The following DLGAP2 variants were observed in gnomAD, a reference collection of about 807,000 sequenced individuals.
DLGAP2 encodes disks large-associated protein 2.
DLGAP2 carries 26 observed loss-of-function variants against 100.3 expected under a neutral mutation model. The observed-to-expected ratio is 0.26, with a 90% confidence interval of 0.19 to 0.36. The LOEUF is 0.36. Among genes scored for constraint, DLGAP2 ranks in the 10% least tolerant of loss-of-function variants. The probability of loss-of-function intolerance (pLI) is 1.00; values close to 1 mark genes in which losing one functional copy is unlikely to be tolerated. For missense variants in DLGAP2, 1,858 were observed against 1,453.2 expected, an observed-to-expected ratio of 1.28 and a Z score of -4.53; for synonymous variants, 886 against 630.1, an observed-to-expected ratio of 1.41 and a Z score of -6.08.
intron 3 of DLGAP2, among the ~76,000 whole-genome samples, chr8:1,312,503 A>G (rs1278704039): frequency 6.6e-6 from 1 of 152,198 alleles, no homozygotes; most frequent in Admixed American, 6.5e-5. Context: ...ACACATGGAG[A>G]CAAGAACAGA....
intron 1 of DLGAP2, among the ~76,000 whole-genome samples, chr8:840,398 G>A (rs1375350163): frequency 7.7e-6 from 1 of 130,370 alleles, no homozygotes; most frequent in Non-Finnish European, 1.6e-5. Context: ...TGGATTCTGC[G>A]AGCGCGTCCA....
chr8:1,218,104 C>T (rs188930594), intron 2 of DLGAP2, among the ~76,000 whole-genome samples: 190 of 152,256 alleles, frequency 1.2e-3, no homozygotes, highest in Non-Finnish European at 2.2e-3. Flanking sequence ...AATTAGGTCC[C>T]ACTTGTCAAT....
chr8:1,418,604 G>GA (rs1797002933), intron 3 of DLGAP2, among the ~76,000 whole-genome samples: 1 of 152,106 alleles, frequency 6.6e-6, no homozygotes, highest in African/African-American at 2.4e-5. Flanking sequence ...AAATAAAAGG[G>GA]AAAAAAGTGT....
chr8:1,447,119 C>G lies in DLGAP2; in HGVS notation c.107-54247C>G, dbSNP rs542700912. Reference sequence around the variant, plus strand: ...TGCCTAATTGCCCTGGCCAGAACTTCCAGCACTAGGTTGAATAGGAGTGGT... The same window carrying G: ...TGCCTAATTGCCCTGGCCAGAACTTGCAGCACTAGGTTGAATAGGAGTGGT... On this transcript the variant is annotated intron_variant, in intron 3 of 14. Transcript: ENST00000637795. Among the ~76,000 whole-genome samples, 3 of 152,338 alleles carry G rather than the reference C, an allele frequency of 2.0e-5. No individual in the cohort carries two copies. In the South Asian group the frequency reaches 6.2e-4, roughly 32 times the overall value.
intron 3 of DLGAP2, among the ~76,000 whole-genome samples, chr8:1,366,373 G>A (rs1802108646): frequency 6.6e-6 from 1 of 152,254 alleles, no homozygotes; most frequent in Non-Finnish European, 1.5e-5. Context: ...CCCAGGGACA[G>A]AGAACTGTCA....
At chr8:1,295,594 C>T (rs1800153194) in intron 3 of DLGAP2, among the ~76,000 whole-genome samples, 1 of 152,210 alleles carries the variant, frequency 6.6e-6, no homozygotes, top group Admixed American at 6.5e-5. Context: ...TCCACAAAGG[C>T]AGGGGAACAT....
At chr8:1,551,055 C>T (rs761900320) in intron 5 of DLGAP2, among the ~76,000 whole-genome samples, 1 of 152,198 alleles carries the variant, frequency 6.6e-6, no homozygotes, top group Non-Finnish European at 1.5e-5. Flanking sequence ...CCAGTGGCAC[C>T]GTCACCATCA....
chr8:1,235,843 T>A (rs1215468441), intron 2 of DLGAP2, among the ~76,000 whole-genome samples: 1 of 8,576 alleles, frequency 1.2e-4, no homozygotes. Flanking sequence ...GTCACATGGC[T>A]CCGTGTCTGG....
chr8:1,059,559 A>C (rs750036598), intron 2 of DLGAP2, among the ~76,000 whole-genome samples: 1 of 152,128 alleles, frequency 6.6e-6, no homozygotes, highest in African/African-American at 2.4e-5. Context: ...CCTCCCCTCC[A>C]TTAGGCTGTG....
intron 2 of DLGAP2, among the ~76,000 whole-genome samples, chr8:1,161,081 G>C (rs1267168138): frequency 3.3e-5 from 5 of 152,204 alleles, no homozygotes; most frequent in African/African-American, 1.2e-4. Context: ...GCCTATTCCA[G>C]CAGGTTTACT....
In DLGAP2 at chr8:1,668,294, C is replaced by T. The variant is rs1440213605; in HGVS notation, c.1811-35C>T. 2.8e-6 allele frequency: 4 copies of T among 1,446,516 alleles called. No homozygotes were observed. In the African/African-American group the frequency reaches 4.3e-5, roughly 16 times the overall value. 89.6% of individuals were successfully genotyped at this position (1,446,516 alleles called of 1,614,324 possible). A position where few individuals can be genotyped will look rare whatever the true frequency, so the allele number is the denominator to read the frequency against. Reference sequence around the variant, plus strand: ...TAGACCACAGGCTGACGGGGAAGAACACGCCTGTTGACTTGGGACTTTCTT... The same window carrying T: ...TAGACCACAGGCTGACGGGGAAGAATACGCCTGTTGACTTGGGACTTTCTT... On this transcript the variant is annotated intron_variant, in intron 8 of 14. Coordinates refer to ENST00000637795, the MANE Select transcript of DLGAP2 (RefSeq NM_001346810.2).
At chr8:793,715 A>G (rs1795967965) in intron 1 of DLGAP2, among the ~76,000 whole-genome samples, 1 of 152,212 alleles carries the variant, frequency 6.6e-6, no homozygotes, top group East Asian at 1.9e-4. Flanking sequence ...TCCACAGCTC[A>G]CAGACTTTCT....
At chr8:1,084,609 TA>T (rs1803914509) in intron 2 of DLGAP2, among the ~76,000 whole-genome samples, 1 of 152,244 alleles carries the variant, frequency 6.6e-6, no homozygotes, top group South Asian at 2.1e-4. Flanking sequence ...GCTCCACGTT[TA>T]AGTGAGAACA....
intron 3 of DLGAP2, among the ~76,000 whole-genome samples, chr8:1,463,213 C>T (rs1798509956): frequency 6.6e-6 from 1 of 152,218 alleles, no homozygotes; most frequent in Non-Finnish European, 1.5e-5. Flanking sequence ...CATGCCATTG[C>T]ACTCCAGCCT....
chr8:1,184,533 A>T (rs867203334), intron 2 of DLGAP2, among the ~76,000 whole-genome samples: 9 of 152,168 alleles, frequency 5.9e-5, no homozygotes, highest in African/African-American at 1.7e-4. Flanking sequence ...GTTGGAGGGA[A>T]ATCATCACTG....
At chr8:1,591,638 C>A (rs1207409437) in intron 6 of DLGAP2, among the ~76,000 whole-genome samples, 1 of 152,160 alleles carries the variant, frequency 6.6e-6, no homozygotes, top group Non-Finnish European at 1.5e-5. Flanking sequence ...ACTTGTCACA[C>A]ATCTACTTGA....
At chr8:1,130,116 G>A (rs1314931577) in intron 2 of DLGAP2, among the ~76,000 whole-genome samples, 7 of 14,018 alleles carry the variant, frequency 5.0e-4, no homozygotes, top group African/African-American at 1.3e-3. Context: ...TTAAGGGATC[G>A]TGTCAGACAC....
At chr8:1,172,839 G>C (rs1211674102) in intron 2 of DLGAP2, among the ~76,000 whole-genome samples, 1 of 152,056 alleles carries the variant, frequency 6.6e-6, no homozygotes, top group African/African-American at 2.4e-5. Flanking sequence ...ATTTCCTCCT[G>C]TAGCTCGTAG....
intron 3 of DLGAP2, among the ~76,000 whole-genome samples, chr8:1,287,105 TAAG>T (rs927777031): frequency 1.3e-4 from 19 of 151,270 alleles, no homozygotes; most frequent in African/African-American, 3.2e-4. Flanking sequence ...TGTGCATGGT[TAAG>T]AGGGGAACTA....
Sources: gnomAD v4.1 joint callset for allele counts (sites outside exome capture counted in the v4.1 genomes callset) on GRCh38, gnomAD v4.1.1 for gene constraint, MANE v1.5 for transcripts, NCBI Gene and HGNC (gene_info 2026-07-23, HGNC 2026-07-21) for gene names.